ZNF624: variants seen among roughly 807,000 people sequenced by gnomAD.
ZNF624 encodes the protein zinc finger protein 624.
In ZNF624, 43 loss-of-function variants were observed where a neutral mutation model predicts 74.7. That is an observed-to-expected ratio of 0.58 (90% CI 0.45 to 0.74). The LOEUF is 0.74. ZNF624 is among the 30% of genes least tolerant of loss of function. The pLI is 0.00. For synonymous variants in ZNF624, 331 were observed against 341.3 expected (o/e 0.97, Z 0.33); for missense variants, 820 against 1,030.0 (o/e 0.80, Z 2.79).
chr17:16,627,037 A>G (rs1433914993), intron 5 of ZNF624, among the ~76,000 whole-genome samples: 1 of 152,174 alleles, frequency 6.6e-6, no homozygotes, highest in Non-Finnish European at 1.5e-5. Flanking sequence ...CTGGGAGACA[A>G]GAGAGACTCC....
chr17:16,625,946 T>C (rs76532743), intron 5 of ZNF624, among the ~76,000 whole-genome samples: 1 of 127,546 alleles, frequency 7.8e-6, no homozygotes, highest in African/African-American at 2.7e-5. Context: ...GGTTTTATGA[T>C]TTTTTTTTTT....
chr17:16,616,197 C>T (rs1908790406), downstream of ZNF624, among the ~76,000 whole-genome samples: 1 of 150,598 alleles, frequency 6.6e-6, no homozygotes, highest in Non-Finnish European at 1.5e-5. Flanking sequence ...CAGATAAAGA[C>T]TTTGGCAAAT....
chr17:16,620,568 T>C (rs1908883405), downstream of ZNF624, among the ~76,000 whole-genome samples: 1 of 152,106 alleles, frequency 6.6e-6, no homozygotes, highest in Non-Finnish European at 1.5e-5. Context: ...TGAAACTCAG[T>C]GGGTGGTAGG....
At chr17:16,651,264 T>G (rs1321731670) in intron 1 of ZNF624, among the ~76,000 whole-genome samples, 1 of 151,690 alleles carries the variant, frequency 6.6e-6, no homozygotes, top group Non-Finnish European at 1.5e-5. Flanking sequence ...CTGACTCTAC[T>G]AAAAAATACA....
intron 5 of ZNF624, 188 bp from the exon 6 acceptor site, chr17:16,624,697 C>A: frequency 1.9e-6 from 1 of 528,398 alleles, no homozygotes; most frequent in Admixed American, 3.8e-5. Context: ...ACTAAAGTAG[C>A]AAATTCAATG....
chr17:16,638,296 G>C (rs1235780256), intron 3 of ZNF624, among the ~76,000 whole-genome samples: 1 of 152,212 alleles, frequency 6.6e-6, no homozygotes, highest in Non-Finnish European at 1.5e-5. Flanking sequence ...CATTGTGGAA[G>C]TCAGTGTGGC....
At chr17:16,634,010 T>G in intron 4 of ZNF624, 53 bp from the exon 5 acceptor site, 2 of 1,441,624 alleles carry the variant, frequency 1.4e-6, no homozygotes, top group South Asian at 1.2e-5. Context: ...CAAGAACTCC[T>G]GCCAAATTCA....
At chr17:16,632,834 G>C (rs779936713) in intron 5 of ZNF624, among the ~76,000 whole-genome samples, 1 of 152,188 alleles carries the variant, frequency 6.6e-6, no homozygotes, top group African/African-American at 2.4e-5. Flanking sequence ...CATCTACAAA[G>C]CCCTGCACAG....
In ZNF624 at chr17:16,623,319, T is replaced by C; in HGVS notation, c.1567A>G (p.Thr523Ala). The change falls in exon 6 of 6, where the codon ACA (threonine) becomes GCA (alanine). Residue 523 changes from threonine to alanine, a missense_variant. Coordinates refer to ENST00000311331, the MANE Select transcript of ZNF624 (RefSeq NM_020787.4). This position sits in a 1 kb window ranked among gnomAD's most constrained non-coding sequence, Gnocchi z 5.3. ...ANFTEHQRIH[T>A]GEKPYKCNEC... is the part of the protein sequence containing the mutation. ...TTACATTTATAGGGTTTTTCTCCTG[T>C]GTGAATTCGCTGATGTTCTGTGAAA... 1 of 1,613,748 alleles carries C rather than the reference T, an allele frequency of 6.2e-7. No individual in the cohort carries two copies.
intron 3 of ZNF624, among the ~76,000 whole-genome samples, chr17:16,642,533 A>C (rs536618161): frequency 6.6e-6 from 1 of 152,318 alleles, no homozygotes; most frequent in Non-Finnish European, 1.5e-5. Context: ...TGGACTATAG[A>C]CCTAAATGTA....
chr17:16,636,206 C>A (rs1294062889), intron 3 of ZNF624, among the ~76,000 whole-genome samples: 2 of 152,178 alleles, frequency 1.3e-5, no homozygotes, highest in East Asian at 3.8e-4. Flanking sequence ...TTTTAAAAAT[C>A]TCATCTATTA....
At position 16,622,258 on chromosome 17, in the gene ZNF624, T is replaced by G; in HGVS notation, c.*30A>C. 1.4e-6 allele frequency: 2 copies of G among 1,465,818 alleles called. No individual in the cohort carries two copies. The highest frequency in any genetic ancestry group is 2.9e-5 in the South Asian group (2 of 68,056). The allele number at this position is 1,465,818 out of a possible 1,614,324, so 90.8% of individuals were successfully genotyped here. The stretch of plus-strand genomic sequence containing the variant: ...AGTTTATAAGATTCATCTTGTGGAG[T>G]TGACATCTAGGTGAATGACTTATTG... On this transcript the variant is annotated 3_prime_UTR_variant, in exon 6 of 6. Coordinates refer to ENST00000311331, the MANE Select transcript of ZNF624 (RefSeq NM_020787.4).
rs1909668584 is a variant in ZNF624, at chr17:16,649,511, C to T, written c.87+147G>A. 8.9e-6 allele frequency: 6 copies of T among 677,400 alleles called. No individual in the cohort carries two copies. In the East Asian group the frequency reaches 1.6e-4, roughly 18 times the overall value. The allele number at this position is 677,400 out of a possible 1,614,324, so 42.0% of individuals were successfully genotyped here. A position where few individuals can be genotyped will look rare whatever the true frequency, so the allele number is the denominator to read the frequency against. ...GTGAATCGTCCCATAGTTTACTACC[C>T]TTACTGTGAACCCAATTTTCATGGG... On this transcript the variant is annotated intron_variant, in intron 2 of 5. Transcript: ENST00000311331.
chr17:16,646,537 G>C (rs1909596143), intron 3 of ZNF624, among the ~76,000 whole-genome samples: 1 of 152,206 alleles, frequency 6.6e-6, no homozygotes, highest in Admixed American at 6.5e-5. Context: ...AGCTTGACAA[G>C]ACAGGTTTAA....
At chr17:16,639,779 A>C (rs1378277616) in intron 3 of ZNF624, among the ~76,000 whole-genome samples, 1 of 152,252 alleles carries the variant, frequency 6.6e-6, no homozygotes, top group Non-Finnish European at 1.5e-5. Context: ...TTCTAAACAA[A>C]GCAACAGCAC....
intron 2 of ZNF624, 59 bp downstream of exon 2, chr17:16,649,599 C>G: frequency 6.7e-7 from 1 of 1,500,608 alleles, no homozygotes. Flanking sequence ...AGCCTTCAGG[C>G]AAAGTAAACA....
At chr17:16,640,697 T>C (rs1342880211) in intron 3 of ZNF624, among the ~76,000 whole-genome samples, 1 of 152,196 alleles carries the variant, frequency 6.6e-6, no homozygotes, top group Non-Finnish European at 1.5e-5. Flanking sequence ...TGACTCAGTG[T>C]ACAGAAAATC....
rs1464258689 is a variant in ZNF624, at chr17:16,650,427, A to ATAATAG, written c.-2-682_-2-681insCTATTA. Among the ~76,000 whole-genome samples, 144 of 151,598 alleles carry ATAATAG rather than the reference A, an allele frequency of 9.5e-4. 1 individual carries two copies. Among genetic ancestry groups the ATAATAG allele is most frequent in the African/African-American group, 3.1e-3 (127 of 41,306 alleles). ...GGAAGCAGGTATAATAATAATAATA[A>ATAATAG]TAATAATAATAGAAGAGACATGAAA... is the stretch of plus-strand genomic sequence containing the variant. On this transcript the variant is annotated intron_variant, in intron 1 of 5. Coordinates refer to ENST00000311331, the MANE Select transcript of ZNF624 (RefSeq NM_020787.4).
chr17:16,624,282 C>G lies in ZNF624; in HGVS notation c.604G>C (p.Gly202Arg). The stretch of plus-strand genomic sequence containing the variant: ...ATAAGAATAGATTCAAATCTAAAGC[C>G]TCTTTGACTAGTGGGAGTCTTCTTG... ...PLKKTPTSQRGFRFESILIPE... is the reference protein window; with the variant it reads ...PLKKTPTSQRRFRFESILIPE... The change falls in exon 6 of 6, where the codon GGC becomes CGC. Residue 202 changes from glycine (G) to arginine (R), a missense_variant. Physicochemically the swap from Gly to Arg is moderately radical, Grantham distance 125. Coordinates refer to ENST00000311331, the MANE Select transcript of ZNF624 (RefSeq NM_020787.4). 6.2e-7 allele frequency: 1 copy of G among 1,614,016 alleles called. No homozygotes were observed. The highest frequency in any genetic ancestry group is 2.2e-5 in the East Asian group (1 of 44,870).
Sources: allele counts gnomAD v4.1 joint callset (sites outside exome capture counted in the v4.1 genomes callset), GRCh38; gene constraint gnomAD v4.1.1; non-coding constraint Gnocchi (gnomAD v3.1); transcripts MANE v1.5; gene names NCBI Gene and HGNC (gene_info 2026-07-23, HGNC 2026-07-21).